LYSMD1: variants seen among roughly 807,000 people sequenced by gnomAD.
LYSMD1 encodes lysM and putative peptidoglycan-binding domain-containing protein 1.
Under a neutral mutation model 19.3 loss-of-function variants are expected in LYSMD1, and 9 were observed. That is an observed-to-expected ratio of 0.47 (90% CI 0.28 to 0.81). The LOEUF (loss-of-function observed/expected upper bound fraction) is 0.81. Ranked by LOEUF, LYSMD1 falls within the 40% of genes least tolerant of loss-of-function variation. The probability of loss-of-function intolerance (pLI) is 0.11; values close to 1 mark genes in which losing one functional copy is unlikely to be tolerated. For missense variants in LYSMD1, 262 were observed against 279.8 expected (o/e 0.94, Z 0.45); for synonymous variants, 111 against 111.7 (o/e 0.99, Z 0.04).
At chr1:151,151,189 CTGTTTTGTTT>C in the LYSMD1 span, among the ~76,000 whole-genome samples, 881 of 152,000 alleles carry the variant, frequency 5.8e-3, 3 homozygotes, top group Non-Finnish European at 0.01. Context: ...TTACAATAAA[CTGTTTTGTTT>C]TGTTTTGTTT....
downstream of LYSMD1, among the ~76,000 whole-genome samples, chr1:151,156,873 G>A (rs1683239867): frequency 6.6e-6 from 1 of 152,154 alleles, no homozygotes; most frequent in African/African-American, 2.4e-5. Context: ...TTTTTCTGGT[G>A]GCAAGGCAGC....
At chr1:151,158,683 C>G, downstream of LYSMD1, 1 of 1,560,608 alleles carries the variant, frequency 6.4e-7, no homozygotes, top group Non-Finnish European at 8.7e-7. Flanking sequence ...CCACATACCC[C>G]ACTCTCCAGG....
the LYSMD1 span, among the ~76,000 whole-genome samples, chr1:151,149,847 G>C: frequency 6.6e-6 from 1 of 152,120 alleles, no homozygotes; most frequent in Admixed American, 6.6e-5. Context: ...TTTTTTGCAA[G>C]TTCCTTTCCT....
chr1:151,153,936 G>T, the LYSMD1 span, among the ~76,000 whole-genome samples: 1 of 151,158 alleles, frequency 6.6e-6, no homozygotes, highest in Non-Finnish European at 1.5e-5. Context: ...CTGGGCGACA[G>T]AGTGAGACTC....
chr1:151,151,638 G>A, the LYSMD1 span, among the ~76,000 whole-genome samples: 3 of 151,400 alleles, frequency 2.0e-5, no homozygotes, highest in South Asian at 4.2e-4. Flanking sequence ...TTAGTCTAAA[G>A]ACAGGAAGTA....
chr1:151,159,134 T>G (rs1264280611), downstream of LYSMD1: 2 of 1,614,064 alleles, frequency 1.2e-6, no homozygotes, highest in South Asian at 2.2e-5. Flanking sequence ...ATCCGCCACG[T>G]GTTTGATCAC....
rs1351304244 is a variant in LYSMD1 at position 151,165,195 on chromosome 1, G to A, written c.64C>T (p.Arg22Cys). 6.2e-7 allele frequency: 1 copy of A among 1,614,152 alleles called. No homozygotes were observed. The highest frequency in any genetic ancestry group is 1.1e-5 in the South Asian group (1 of 91,078). ...GSGLLQGSRA[R>C]SYGSLVQSAC... ...GATTGCACCAGGCTTCCATATGAAC[G>A]AGCCCGGCTCCCTTGAAGCAGTCCT... is the stretch of plus-strand genomic sequence containing the variant. The change falls in exon 1 of 3, where the codon CGT becomes TGT. Residue 22 changes from arginine to cysteine, a missense_variant. Transcript: ENST00000368908.
Position 151,165,522 on chromosome 1 carries a change from C to G in LYSMD1, c.-264G>C. 2 of 1,446,086 alleles carry G rather than the reference C, an allele frequency of 1.4e-6. No individual in the cohort carries two copies. Among genetic ancestry groups the G allele is most frequent in the Non-Finnish European group, 1.8e-6 (2 of 1,106,022 alleles). The allele number at this position is 1,446,086 out of a possible 1,614,324, so 89.6% of individuals were successfully genotyped here. Reference sequence around the variant, plus strand: ...GCACCCCTCCGACTTTGGACTCCCCCACAACTCCTCGCTACATTGACCTCT... The same window carrying G: ...GCACCCCTCCGACTTTGGACTCCCCGACAACTCCTCGCTACATTGACCTCT... On this transcript the variant is annotated 5_prime_UTR_variant, in exon 1 of 3. Coordinates refer to ENST00000368908, the MANE Select transcript of LYSMD1 (RefSeq NM_212551.5).
downstream of LYSMD1, chr1:151,159,212 G>A: frequency 6.2e-7 from 1 of 1,613,932 alleles, no homozygotes; most frequent in Non-Finnish European, 8.5e-7. Context: ...GGCAAGATCT[G>A]TGACGGACTC....
rs1434336506 is a variant in LYSMD1, at chr1:151,159,906, T to C, written c.*976A>G. The C allele has an allele frequency of 6.0e-6, 1 of 166,246 alleles. No individual in the cohort carries two copies. Among genetic ancestry groups the C allele is most frequent in the Non-Finnish European group, 1.5e-5 (1 of 68,360 alleles). The allele number at this position is 166,246 out of a possible 1,614,324, so 10.3% of individuals were successfully genotyped here. A position where few individuals can be genotyped will look rare whatever the true frequency, so the allele number is the denominator to read the frequency against. ...TTACTGAGGTTCCCTTACCTACTTC[T>C]GTTTAAGAAACAAAACAACTGTACC... On this transcript the variant is annotated 3_prime_UTR_variant, in exon 3 of 3. Transcript: ENST00000368908.
intron 2 of LYSMD1, 74 bp from the exon 3 acceptor site, chr1:151,161,094 A>G (rs1294194261): frequency 1.3e-5 from 20 of 1,526,278 alleles, no homozygotes; most frequent in Middle Eastern, 2.0e-4. Context: ...TGAGAGGTAC[A>G]TGGAAAGCTA....
the LYSMD1 span, among the ~76,000 whole-genome samples, chr1:151,149,260 G>A: frequency 2.7e-5 from 4 of 149,988 alleles, no homozygotes; most frequent in South Asian, 8.3e-4. Context: ...GCCGGGTGTG[G>A]TGATGGGCAC....
downstream of LYSMD1, among the ~76,000 whole-genome samples, chr1:151,156,251 C>T (rs1468927589): frequency 6.6e-6 from 1 of 152,004 alleles, no homozygotes; most frequent in Non-Finnish European, 1.5e-5. Context: ...AGGGTTGTGA[C>T]AGTCTGTGCT....
At chr1:151,161,263 C>T (rs887469552) in intron 2 of LYSMD1, among the ~76,000 whole-genome samples, 1 of 152,112 alleles carries the variant, frequency 6.6e-6, no homozygotes, top group South Asian at 2.1e-4. Context: ...TTTGGGAGGC[C>T]GAGGCTGGCG....
chr1:151,160,645 AAGGACTCAACTCT>A lies in LYSMD1; in HGVS notation c.*224_*236del, dbSNP rs1683408499. The A allele has an allele frequency of 5.2e-6, 2 of 387,370 alleles. No individual in the cohort carries two copies. Among genetic ancestry groups the A allele is most frequent in the Admixed American group, 3.8e-5 (1 of 26,578 alleles). 24.0% of individuals were successfully genotyped at this position (387,370 alleles called of 1,614,324 possible). ...ATATAAAAAGAGCCTTTTGAGTCTA[AAGGACTCAACTCT>A]AGATTCAGCCCAAGAACTGGGAAAG... On this transcript the variant is annotated 3_prime_UTR_variant, in exon 3 of 3. Transcript: ENST00000368908.
downstream of LYSMD1, chr1:151,159,452 C>G (rs1683357413): frequency 3.5e-6 from 2 of 574,346 alleles, no homozygotes; most frequent in Non-Finnish European, 6.3e-6. Flanking sequence ...GGGGTGAGGC[C>G]TCTCTCCCAC....
chr1:151,162,569 T>C (rs1683492548), intron 1 of LYSMD1, among the ~76,000 whole-genome samples: 1 of 152,226 alleles, frequency 6.6e-6, no homozygotes, highest in Non-Finnish European at 1.5e-5. Context: ...ATCCTGGGTC[T>C]TTTCACTGCT....
rs1192507446 is a variant in LYSMD1 at position 151,165,715 on chromosome 1, G to C, written c.-457C>G. The C allele has an allele frequency of 6.4e-7, 1 of 1,551,602 alleles. No homozygotes were observed. Among genetic ancestry groups the C allele is most frequent in the Non-Finnish European group, 8.7e-7 (1 of 1,147,008 alleles). On this transcript the variant is annotated 5_prime_UTR_variant, in exon 1 of 3. Transcript: ENST00000368908. Reference sequence around the variant, plus strand: ...CAGGTGAACTGTCGCCGCAGACGAAGAGCGTGAGGATTGCAAGAATTTGTA... The same window carrying C: ...CAGGTGAACTGTCGCCGCAGACGAACAGCGTGAGGATTGCAAGAATTTGTA...
At chr1:151,162,190 T>C (rs1035124784) in intron 1 of LYSMD1, 90 bp from the exon 2 acceptor site, 1 of 1,241,346 alleles carries the variant, frequency 8.1e-7, no homozygotes, top group Non-Finnish European at 1.1e-6. Flanking sequence ...AGAGTCTTCT[T>C]TGATTCCATA....
Sources: allele counts gnomAD v4.1 joint callset (sites outside exome capture counted in the v4.1 genomes callset), GRCh38; gene constraint gnomAD v4.1.1; transcripts MANE v1.5; gene names NCBI Gene and HGNC (gene_info 2026-07-23, HGNC 2026-07-21).